ABCA9: variants seen among roughly 807,000 people sequenced by gnomAD.
ABCA9 encodes ATP binding cassette subfamily A member 9.
A neutral mutation model predicts 205.3 loss-of-function variants in ABCA9; 183 were observed. That is an observed-to-expected ratio of 0.89 (90% CI 0.79 to 1.01). The LOEUF is 1.01. Ranked by LOEUF, ABCA9 falls within the 50% of genes least tolerant of loss-of-function variation. The pLI is 0.00. For synonymous variants in ABCA9, 651 were observed against 683.3 expected, an observed-to-expected ratio of 0.95 and a Z score of 0.74; for missense variants, 1,805 against 1,912.4, an observed-to-expected ratio of 0.94 and a Z score of 1.05.
intron 21 of ABCA9, among the ~76,000 whole-genome samples, chr17:69,016,832 G>A (rs1264556998): frequency 6.6e-6 from 1 of 151,938 alleles, no homozygotes; most frequent in Non-Finnish European, 1.5e-5. Context: ...GTGCTTACTT[G>A]TAAAGTCTCC....
intron 25 of ABCA9, among the ~76,000 whole-genome samples, chr17:68,999,148 T>C (rs2069741371): frequency 6.6e-6 from 1 of 151,264 alleles, no homozygotes; most frequent in African/African-American, 2.4e-5. Flanking sequence ...TATTATACTT[T>C]AAGTTTTAGG....
At position 68,981,835 on chromosome 17, in the gene ABCA9, C is replaced by CAAAAAAAA. The variant is rs398041827; in HGVS notation, c.4720+719_4720+726dup. Reference sequence around the variant, plus strand: ...CTGGCGACAAAGGAAAACTCTTTCTCAAAAAAAAAAAAAAAAAAAAAAAAA... The same window carrying CAAAAAAAA: ...CTGGCGACAAAGGAAAACTCTTTCTCAAAAAAAAAAAAAAAAAAAAAAAAAAAAAAAAA... On this transcript the variant is annotated intron_variant, in intron 37 of 38. Transcript: ENST00000340001. 3.9e-5 allele frequency among the ~76,000 whole-genome samples: 2 copies of CAAAAAAAA among 51,656 alleles called. 1 individual carries two copies. The highest frequency in any genetic ancestry group is 6.5e-5 in the Non-Finnish European group (2 of 30,916). 33.9% of individuals were successfully genotyped at this position (51,656 alleles called of 152,430 possible).
At chr17:68,985,227 A>G (rs1598331627) in intron 32 of ABCA9, 99 bp from the exon 33 acceptor site, 72 of 1,502,952 alleles carry the variant, frequency 4.8e-5, no homozygotes, top group Non-Finnish European at 6.4e-5. Flanking sequence ...GGAGGTGTTT[A>G]TGAGTGGTCA....
At chr17:69,061,000 C>A, upstream of ABCA9, 1 of 985,394 alleles carries the variant, frequency 1.0e-6, no homozygotes, top group Non-Finnish European at 1.2e-6. Context: ...GTGAATAGTT[C>A]TGTTTTATAC....
intron 9 of ABCA9, 160 bp downstream of exon 9, chr17:69,033,566 C>T: frequency 1.8e-6 from 1 of 569,198 alleles, no homozygotes; most frequent in Non-Finnish European, 3.0e-6. Flanking sequence ...AGAGCCAAGT[C>T]TTAGAAAGTG....
chr17:69,005,472 T>A (rs1352878830), intron 25 of ABCA9, among the ~76,000 whole-genome samples: 2 of 152,232 alleles, frequency 1.3e-5, no homozygotes, highest in Non-Finnish European at 2.9e-5. Context: ...TTTATTTACC[T>A]GTGCTAGGAT....
chr17:69,010,701 A>C (rs756158878), intron 23 of ABCA9, among the ~76,000 whole-genome samples: 19 of 152,184 alleles, frequency 1.2e-4, no homozygotes, highest in Non-Finnish European at 2.1e-4. Flanking sequence ...TTAGGCAAGG[A>C]ATGATGATGA....
At chr17:69,038,565 T>C (rs2071422300) in intron 6 of ABCA9, among the ~76,000 whole-genome samples, 3 of 152,128 alleles carry the variant, frequency 2.0e-5, no homozygotes, top group Admixed American at 2.0e-4. Context: ...ATGCAACATA[T>C]CTCAAAATAA....
chr17:68,990,765 TAAACTTAGAA>T lies in ABCA9; in HGVS notation c.3837+62_3837+71del, dbSNP rs1232060189. The T allele has an allele frequency of 3.8e-6, 6 of 1,578,684 alleles. No individual in the cohort carries two copies. The African/African-American group carries it at 8.3e-5, about 22-fold the overall frequency. On this transcript the variant is annotated intron_variant, in intron 29 of 38. Coordinates refer to ENST00000340001, the MANE Select transcript of ABCA9 (RefSeq NM_080283.4). ...AGAACCCCAAGTGTTTTTCGAAAAC[TAAACTTAGAA>T]AGTTTCTCACTTTATCTGTCAGAAA...
In ABCA9 at chr17:69,056,759, A is replaced by G. The variant is rs1183788105; in HGVS notation, c.-14+4107T>C. Among the ~76,000 whole-genome samples, 4 of 152,356 alleles carry G rather than the reference A, an allele frequency of 2.6e-5. No individual in the cohort carries two copies. The East Asian group carries it at 5.8e-4, about 22-fold the overall frequency. ...AAGGTGAAGCCTAATTAGATAGGAT[A>G]TACTGTGTAAGAGATAATGAGCAGA... On this transcript the variant is annotated intron_variant, in intron 1 of 38. Coordinates refer to ENST00000340001, the MANE Select transcript of ABCA9 (RefSeq NM_080283.4).
At chr17:69,019,590 C>A (rs1382360663) in intron 19 of ABCA9, among the ~76,000 whole-genome samples, 1 of 152,080 alleles carries the variant, frequency 6.6e-6, no homozygotes, top group East Asian at 1.9e-4. Flanking sequence ...TGTCTAATCA[C>A]CCTCAAGGGT....
chr17:68,988,935 A>G, intron 31 of ABCA9, 92 bp downstream of exon 31: 1 of 755,770 alleles, frequency 1.3e-6, no homozygotes, highest in Non-Finnish European at 2.2e-6. Flanking sequence ...AAATCACACT[A>G]AGTGATTATG....
At chr17:69,034,835 G>C (rs2071281314) in intron 8 of ABCA9, 1 of 152,612 alleles carries the variant, frequency 6.6e-6, no homozygotes, top group African/African-American at 2.4e-5. Flanking sequence ...GCATATTATA[G>C]TTATGATATC....
rs558923098 is a variant in ABCA9, at chr17:68,990,062, A to C, written c.3838-132T>G. 4.4e-6 allele frequency: 3 copies of C among 688,308 alleles called. No homozygotes were observed. The East Asian group carries it at 7.8e-5, about 18-fold the overall frequency. The allele number at this position is 688,308 out of a possible 1,614,324, so 42.6% of individuals were successfully genotyped here. On this transcript the variant is annotated intron_variant, in intron 29 of 38. Transcript: ENST00000340001. ...ACCACTTCTTCCCCTAGAAACTGCC[A>C]TTTTCAAGTGAACTCTTACAGTCTA... is the stretch of plus-strand genomic sequence containing the variant.
chr17:69,018,866 C>T (rs1323491495), intron 19 of ABCA9, among the ~76,000 whole-genome samples: 1 of 152,020 alleles, frequency 6.6e-6, no homozygotes, highest in Non-Finnish European at 1.5e-5. Context: ...TAACTCATTG[C>T]CTTATTTCAG....
At chr17:69,014,898 G>A (rs908066759) in intron 22 of ABCA9, among the ~76,000 whole-genome samples, 10 of 152,098 alleles carry the variant, frequency 6.6e-5, no homozygotes, top group African/African-American at 2.4e-4. Flanking sequence ...GCAACCCTGG[G>A]TGTGTCATCA....
At position 68,983,860 on chromosome 17, in the gene ABCA9, CAG is replaced by C. The variant is rs762676098; in HGVS notation, c.4500-13_4500-12del. On this transcript the variant is annotated splice_polypyrimidine_tract_variant and intron_variant, in intron 35 of 38. Transcript: ENST00000340001. ...ATGGAACCAATACATCTGAAGGTAA[CAG>C]AAGGATAAAGTCAAGCAAGAAAAGA... The C allele has an allele frequency of 4.1e-5, 66 of 1,614,056 alleles. No individual in the cohort carries two copies. The African/African-American group carries it at 8.1e-4, about 20-fold the overall frequency.
intron 25 of ABCA9, among the ~76,000 whole-genome samples, chr17:69,001,553 A>T (rs1247503885): frequency 6.6e-6 from 1 of 151,776 alleles, no homozygotes; most frequent in Non-Finnish European, 1.5e-5. Context: ...ATCAATGTGC[A>T]TCAAGGATAT....
chr17:68,982,534 AGTTTTGT>A (rs2069091798), intron 37 of ABCA9, 21 bp downstream of exon 37: 1 of 1,559,842 alleles, frequency 6.4e-7, no homozygotes, highest in Admixed American at 1.7e-5. Flanking sequence ...TGTTTCCCAG[AGTTTTGT>A]CTCTAAACAG....
Sources: allele counts gnomAD v4.1 joint callset (sites outside exome capture counted in the v4.1 genomes callset), GRCh38; gene constraint gnomAD v4.1.1; transcripts MANE v1.5; gene names NCBI Gene and HGNC (gene_info 2026-07-23, HGNC 2026-07-21).